EML1: variants seen among roughly 807,000 people sequenced by gnomAD.
EML1 encodes the protein EMAP like 1.
In EML1, 27 loss-of-function variants were observed where a neutral mutation model predicts 110.4. That is an observed-to-expected ratio of 0.24 (90% CI 0.18 to 0.34). EML1 has a LOEUF of 0.34. Among genes scored for constraint, EML1 ranks in the 10% least tolerant of loss-of-function variants. The pLI is 1.00. For missense variants in EML1, 741 were observed against 1,030.9 expected (o/e 0.72, Z 3.85); for synonymous variants, 344 against 385.8 (o/e 0.89, Z 1.27).
chr14:99,877,293 C>A, intron 3 of EML1, among the ~76,000 whole-genome samples: 1 of 152,102 alleles, frequency 6.6e-6, no homozygotes. Context: ...AAAGGCCCCA[C>A]CCCCTAACAC....
chr14:99,793,751 C>G (rs988761682), intron 1 of EML1, among the ~76,000 whole-genome samples: 11 of 146,926 alleles, frequency 7.5e-5, no homozygotes, highest in African/African-American at 2.7e-4. Flanking sequence ...CGGGCCGCCC[C>G]GGGCTCCCCG....
chr14:99,852,282 C>T (rs1189992397), intron 2 of EML1, among the ~76,000 whole-genome samples: 3 of 152,160 alleles, frequency 2.0e-5, no homozygotes, highest in Non-Finnish European at 4.4e-5. Flanking sequence ...TTGGCTAAAA[C>T]GTTTTTTGAG....
chr14:99,888,855 G>A (rs1399773556), intron 4 of EML1, among the ~76,000 whole-genome samples: 1 of 152,096 alleles, frequency 6.6e-6, no homozygotes, highest in Admixed American at 6.5e-5. Flanking sequence ...GAAATCACCT[G>A]GAGGTGTAGA....
chr14:99,791,758 G>A (rs1425142635), upstream of EML1, among the ~76,000 whole-genome samples: 1 of 152,136 alleles, frequency 6.6e-6, no homozygotes, highest in East Asian at 1.9e-4. Context: ...TCTCAACAGT[G>A]GCCTGCCTGC....
intron 1 of EML1, among the ~76,000 whole-genome samples, chr14:99,818,560 T>C (rs1003521996): frequency 6.6e-6 from 1 of 152,194 alleles, no homozygotes; most frequent in African/African-American, 2.4e-5. Flanking sequence ...AGAGGCAAGA[T>C]GACCATGCGA....
chr14:99,924,775 T>C (rs2060203332), intron 17 of EML1, among the ~76,000 whole-genome samples: 1 of 152,226 alleles, frequency 6.6e-6, no homozygotes, highest in South Asian at 2.1e-4. Flanking sequence ...CTAATTTGTT[T>C]GGAGGTTTTA....
rs146797055 is a variant in EML1 at position 99,836,206 on chromosome 14, T to TTTATTG, written c.68-14642_68-14641insGTTATT. Among the ~76,000 whole-genome samples the TTTATTG allele has an allele frequency of 1.4e-3, 213 of 151,750 alleles. 2 individuals carry two copies. The highest frequency in any genetic ancestry group is 0.012 in the South Asian group (60 of 4,822). On this transcript the variant is annotated intron_variant, in intron 1 of 21. Coordinates refer to ENST00000262233, the MANE Select transcript of EML1 (RefSeq NM_004434.3). The stretch of plus-strand genomic sequence containing the variant: ...TTTCTTTAGAACTTCTTTAATTTCT[T>TTTATTG]TTATTATGTTTTAGTTTTCTGCATT...
At chr14:99,758,828 C>T (rs1378870794) in intron 1 of EML1, among the ~76,000 whole-genome samples, 1 of 152,206 alleles carries the variant, frequency 6.6e-6, no homozygotes, top group African/African-American at 2.4e-5. Context: ...GCCCTCCTGC[C>T]CTGTCCATCA....
chr14:99,926,532 G>C (rs924992699), intron 17 of EML1, among the ~76,000 whole-genome samples: 2 of 151,852 alleles, frequency 1.3e-5, no homozygotes, highest in African/African-American at 4.8e-5. Context: ...TGATCTGCCC[G>C]CCTCGGCCTC....
At chr14:99,826,831 C>G (rs2058369004) in intron 1 of EML1, among the ~76,000 whole-genome samples, 1 of 152,150 alleles carries the variant, frequency 6.6e-6, no homozygotes, top group Non-Finnish European at 1.5e-5. Context: ...GGAAACAAAT[C>G]AGGCACAGAA....
intron 1 of EML1, among the ~76,000 whole-genome samples, chr14:99,815,836 G>A (rs7158713): frequency 0.39 from 59,688 of 151,596 alleles, 12,383 homozygotes; most frequent in South Asian, 0.57. Context: ...TTCTGTCGTA[G>A]AGATGCTTAC....
intron 1 of EML1, among the ~76,000 whole-genome samples, chr14:99,801,635 C>A (rs1479040575): frequency 6.6e-6 from 1 of 151,794 alleles, no homozygotes; most frequent in Non-Finnish European, 1.5e-5. Context: ...AAAAGAAATT[C>A]TCCTAGTAAT....
chr14:99,809,838 A>G (rs1311536155), intron 1 of EML1, among the ~76,000 whole-genome samples: 1 of 152,184 alleles, frequency 6.6e-6, no homozygotes, highest in Non-Finnish European at 1.5e-5. Flanking sequence ...TTTGAATGTG[A>G]CTATGGGTCT....
chr14:99,741,812 G>T (rs1018921514), intron 1 of EML1, among the ~76,000 whole-genome samples: 1 of 152,192 alleles, frequency 6.6e-6, no homozygotes, highest in East Asian at 1.9e-4. Flanking sequence ...GCCTGGCGTG[G>T]TGTCCCTTCC....
intron 1 of EML1, among the ~76,000 whole-genome samples, chr14:99,738,732 T>G (rs950737830): frequency 2.0e-5 from 3 of 152,198 alleles, no homozygotes; most frequent in African/African-American, 7.2e-5. Context: ...AAAGCGCCTG[T>G]GGGTGCCTGG....
At chr14:99,928,368 C>T (rs771032316) in intron 17 of EML1, among the ~76,000 whole-genome samples, 2 of 151,644 alleles carry the variant, frequency 1.3e-5, no homozygotes, top group Non-Finnish European at 2.9e-5. Context: ...ACCTCAGGAG[C>T]CTTTAGTACT....
intron 1 of EML1, among the ~76,000 whole-genome samples, chr14:99,831,848 A>ATT (rs59292789): frequency 0.012 from 1,646 of 142,182 alleles, 21 homozygotes; most frequent in African/African-American, 0.039. Flanking sequence ...GAATGATGGG[A>ATT]TTTTTTTTTT....
chr14:99,747,515 G>A (rs1012487935), intron 1 of EML1, among the ~76,000 whole-genome samples: 3 of 152,180 alleles, frequency 2.0e-5, no homozygotes, highest in Non-Finnish European at 2.9e-5. Context: ...GGCATGTTGG[G>A]TAGACAGTGG....
chr14:99,764,575 G>A (rs2057348454), intron 1 of EML1, among the ~76,000 whole-genome samples: 1 of 152,240 alleles, frequency 6.6e-6, no homozygotes, highest in South Asian at 2.1e-4. Context: ...ACAGTCTAGT[G>A]GAGCATGCAG....
Sources: allele counts gnomAD v4.1 joint callset (sites outside exome capture counted in the v4.1 genomes callset), GRCh38; gene constraint gnomAD v4.1.1; transcripts MANE v1.5; gene names NCBI Gene and HGNC (gene_info 2026-07-23, HGNC 2026-07-21).